FGF1: variants seen among roughly 807,000 people sequenced by gnomAD.
FGF1 encodes fibroblast growth factor 1.
FGF1 carries 9 observed loss-of-function variants against 13.4 expected under a neutral mutation model. The ratio of observed to expected loss-of-function variants is 0.67; its 90% CI spans 0.40 to 1.17. The LOEUF is 1.17. Among genes scored for constraint, FGF1 ranks in the 50% most tolerant of loss-of-function variants. FGF1 has a pLI of 0.01. For synonymous variants in FGF1, 93 were observed against 79.0 expected (o/e 1.18, Z -0.94); for missense variants, 156 against 192.7 (o/e 0.81, Z 1.13).
In FGF1 at chr5:142,662,930, C is replaced by T. The variant is rs148603494; in HGVS notation, c.-35+23027G>A. 6.1e-3 allele frequency among the ~76,000 whole-genome samples: 934 copies of T among 152,100 alleles called. 8 individuals carry two copies. Among genetic ancestry groups the T allele is most frequent in the African/African-American group, 0.021 (889 of 41,504 alleles). On this transcript the variant is annotated intron_variant, in intron 1 of 3. Coordinates refer to ENST00000337706, the MANE Select transcript of FGF1 (RefSeq NM_000800.5). The stretch of plus-strand genomic sequence containing the variant: ...CCTCGACCTCCTGCACTCAAGCAAC[C>T]CTCCCACCTCAGCCTCCCAAGCAGC...
chr5:142,679,093 C>T (rs1773210673), intron 1 of FGF1, among the ~76,000 whole-genome samples: 1 of 152,172 alleles, frequency 6.6e-6, no homozygotes, highest in South Asian at 2.1e-4. Flanking sequence ...GACTGCCCTA[C>T]ATAGGATCAC....
intron 2 of FGF1, among the ~76,000 whole-genome samples, chr5:142,693,986 G>A (rs1418962256): frequency 1.3e-5 from 2 of 151,160 alleles, no homozygotes; most frequent in African/African-American, 4.9e-5. Context: ...TCATGGGCAA[G>A]TTTTTGTGTG....
chr5:142,644,689 G>T (rs907354909), intron 1 of FGF1, among the ~76,000 whole-genome samples: 6 of 152,164 alleles, frequency 3.9e-5, no homozygotes, highest in Non-Finnish European at 8.8e-5. Flanking sequence ...AGCATATTCT[G>T]TTATGATATT....
At chr5:142,675,058 G>A (rs1205288307) in intron 1 of FGF1, among the ~76,000 whole-genome samples, 1 of 152,192 alleles carries the variant, frequency 6.6e-6, no homozygotes, top group Non-Finnish European at 1.5e-5. Flanking sequence ...GTGAGGTGGG[G>A]AGGGTCAGGT....
At position 142,672,409 on chromosome 5, in the gene FGF1, TA is replaced by T. The variant is rs1036082608; in HGVS notation, c.-35+13547del. Among the ~76,000 whole-genome samples, 8 of 150,266 alleles carry T rather than the reference TA, an allele frequency of 5.3e-5. No individual in the cohort carries two copies. The South Asian group carries it at 1.5e-3, about 28-fold the overall frequency. On this transcript the variant is annotated intron_variant, in intron 1 of 3. Transcript: ENST00000337706. ...ACCAGGCACTGTATATTCAAAACAA[TA>T]AAAAAAACTACATGAAATACACAGC... is the stretch of plus-strand genomic sequence containing the variant.
chr5:142,670,022 A>G (rs983450386), intron 1 of FGF1, among the ~76,000 whole-genome samples: 1 of 152,144 alleles, frequency 6.6e-6, no homozygotes, highest in East Asian at 1.9e-4. Context: ...GGTTAACCAG[A>G]GTGGAAAGTG....
chr5:142,685,436 A>G (rs937282782), intron 1 of FGF1: 4 of 152,238 alleles, frequency 2.6e-5, no homozygotes, highest in African/African-American at 9.6e-5. Context: ...AAGGCAGCTG[A>G]ATATCCAGGC....
intron 1 of FGF1, among the ~76,000 whole-genome samples, chr5:142,684,476 T>G (rs954239505): frequency 2.0e-5 from 3 of 152,264 alleles, no homozygotes; most frequent in African/African-American, 7.2e-5. Flanking sequence ...CAAACCCATT[T>G]ATTCACACTA....
At chr5:142,629,891 A>ATT (rs1488941136) in intron 1 of FGF1, among the ~76,000 whole-genome samples, 274 of 100,086 alleles carry the variant, frequency 2.7e-3, no homozygotes, top group Admixed American at 3.7e-3. Flanking sequence ...ATATATATAT[A>ATT]TATATTTTTT....
At chr5:142,669,247 T>C (rs1703019049) in intron 1 of FGF1, among the ~76,000 whole-genome samples, 1 of 152,194 alleles carries the variant, frequency 6.6e-6, no homozygotes. Flanking sequence ...GGAAAATTGT[T>C]GGTTACTGGT....
intron 2 of FGF1, among the ~76,000 whole-genome samples, chr5:142,609,524 G>A (rs1057032191): frequency 6.6e-6 from 1 of 152,210 alleles, no homozygotes; most frequent in Non-Finnish European, 1.5e-5. Flanking sequence ...GTGAGATGGG[G>A]CGGGGCTTGC....
intron 1 of FGF1, among the ~76,000 whole-genome samples, chr5:142,617,402 C>T (rs1475994976): frequency 1.3e-5 from 2 of 152,040 alleles, no homozygotes; most frequent in African/African-American, 4.8e-5. Flanking sequence ...AGATTCTAGA[C>T]CATGTGTGTA....
intron 1 of FGF1, among the ~76,000 whole-genome samples, chr5:142,650,139 A>C (rs984627471): frequency 3.3e-5 from 5 of 152,220 alleles, no homozygotes; most frequent in Non-Finnish European, 7.3e-5. Context: ...CTGGATAGAC[A>C]GATGTTTCCT....
chr5:142,670,588 T>C (rs968878007), intron 1 of FGF1, among the ~76,000 whole-genome samples: 1 of 152,026 alleles, frequency 6.6e-6, no homozygotes, highest in African/African-American at 2.4e-5. Context: ...GTTTTATCTT[T>C]GAATCTCCCA....
chr5:142,644,786 T>C (rs1561649383), intron 1 of FGF1, among the ~76,000 whole-genome samples: 1 of 152,182 alleles, frequency 6.6e-6, no homozygotes, highest in Non-Finnish European at 1.5e-5. Context: ...TGTGATAGTC[T>C]CTCCATCATG....
intron 1 of FGF1, among the ~76,000 whole-genome samples, chr5:142,624,705 A>T (rs1229948880): frequency 6.6e-6 from 1 of 152,260 alleles, no homozygotes; most frequent in African/African-American, 2.4e-5. Context: ...CTAGAAGTCA[A>T]CAACTTCTAC....
chr5:142,655,855 G>A (rs1269733031), intron 1 of FGF1, among the ~76,000 whole-genome samples: 1 of 152,216 alleles, frequency 6.6e-6, no homozygotes. Flanking sequence ...AGGGGAGCCC[G>A]CAGCCAGAAG....
At chr5:142,646,022 C>A (rs900968905) in intron 1 of FGF1, among the ~76,000 whole-genome samples, 6 of 152,132 alleles carry the variant, frequency 3.9e-5, no homozygotes, top group Non-Finnish European at 8.8e-5. Context: ...CATTCTCCTG[C>A]CTCAGCTTCC....
At chr5:142,696,102 A>G (rs1425375448) in intron 2 of FGF1, among the ~76,000 whole-genome samples, 2 of 152,194 alleles carry the variant, frequency 1.3e-5, no homozygotes, top group Non-Finnish European at 1.5e-5. Flanking sequence ...TAAGCCACAG[A>G]CAAGCATCCT....
Sources: gnomAD v4.1 joint callset for allele counts (sites outside exome capture counted in the v4.1 genomes callset) on GRCh38, gnomAD v4.1.1 for gene constraint, MANE v1.5 for transcripts, NCBI Gene and HGNC (gene_info 2026-07-23, HGNC 2026-07-21) for gene names.